The following GRIK2 variants were observed in gnomAD, a reference collection of about 807,000 sequenced individuals.
GRIK2 encodes the protein glutamate receptor ionotropic, kainate 2.
Under a neutral mutation model 100.3 loss-of-function variants are expected in GRIK2, and 32 were observed. The ratio of observed to expected loss-of-function variants is 0.32; its 90% confidence interval spans 0.24 to 0.43. The LOEUF is 0.43. GRIK2 is among the 20% of genes least tolerant of loss of function. GRIK2 has a pLI of 1.00. For synonymous variants in GRIK2, 417 were observed against 389.4 expected (o/e 1.07, Z -0.83); for missense variants, 843 against 1,114.9 (o/e 0.76, Z 3.47).
intron 7 of GRIK2, among the ~76,000 whole-genome samples, chr6:101,713,128 A>G (rs1583007291): frequency 6.6e-6 from 1 of 151,900 alleles, no homozygotes; most frequent in Middle Eastern, 3.4e-3. Context: ...CTGTCAGCAA[A>G]CCAATGGGAC....
Position 101,963,599 on chromosome 6 carries a change from G to A in GRIK2, c.2085+34967G>A, listed in dbSNP as rs201321115. On this transcript the variant is annotated intron_variant, in intron 14 of 16. Transcript: ENST00000369134. ...GATCTCCTGACCTCGTGATCCACCC[G>A]CCTCGCCCTCCCAAAGTGCTGGGAT... Among the ~76,000 whole-genome samples, 9 of 137,890 alleles carry A rather than the reference G, an allele frequency of 6.5e-5. No homozygotes were observed. In the East Asian group the frequency reaches 1.3e-3, roughly 20 times the overall value. The allele number at this position is 137,890 out of a possible 152,430, so 90.5% of individuals were successfully genotyped here.
chr6:101,828,790 A>G (rs1331164976), intron 10 of GRIK2, among the ~76,000 whole-genome samples: 1 of 151,904 alleles, frequency 6.6e-6, no homozygotes, highest in Non-Finnish European at 1.5e-5. Context: ...ATCAACCCAA[A>G]AAGCTGTGGA....
At chr6:101,571,449 A>G (rs576917079) in intron 2 of GRIK2, among the ~76,000 whole-genome samples, 1 of 152,146 alleles carries the variant, frequency 6.6e-6, no homozygotes, top group South Asian at 2.1e-4. Flanking sequence ...TTTTGCAAAA[A>G]TTTTGCCATG....
At chr6:101,874,521 C>T (rs1785670927) in intron 11 of GRIK2, among the ~76,000 whole-genome samples, 1 of 152,102 alleles carries the variant, frequency 6.6e-6, no homozygotes, top group Non-Finnish European at 1.5e-5. Context: ...AGTTTGAAGT[C>T]AGGTAGCATG....
At chr6:101,857,038 C>A (rs1351011022) in intron 10 of GRIK2, among the ~76,000 whole-genome samples, 1 of 152,044 alleles carries the variant, frequency 6.6e-6, no homozygotes, top group Non-Finnish European at 1.5e-5. Flanking sequence ...CATTGAATGA[C>A]AGCAATTGTA....
At chr6:101,942,127 T>C (rs1303249238) in intron 14 of GRIK2, among the ~76,000 whole-genome samples, 1 of 152,306 alleles carries the variant, frequency 6.6e-6, no homozygotes, top group East Asian at 1.9e-4. Context: ...ATTATAATTT[T>C]AAAACAAAAG....
chr6:101,517,156 T>A (rs531170320), intron 2 of GRIK2, among the ~76,000 whole-genome samples: 57 of 152,212 alleles, frequency 3.7e-4, no homozygotes, highest in Non-Finnish European at 6.9e-4. Flanking sequence ...TAATGCTAAA[T>A]GGCAGACTTT....
intron 14 of GRIK2, among the ~76,000 whole-genome samples, chr6:102,028,725 C>A (rs1221736081): frequency 7.4e-6 from 1 of 135,558 alleles, no homozygotes; most frequent in Admixed American, 7.5e-5. Context: ...ATTAAGAAAT[C>A]GTTTTTTTTA....
chr6:101,820,568 C>T (rs1781894661), intron 10 of GRIK2, among the ~76,000 whole-genome samples: 2 of 152,132 alleles, frequency 1.3e-5, no homozygotes, highest in Non-Finnish European at 2.9e-5. Flanking sequence ...GCCTCAGCTT[C>T]CTGAGTAGCT....
intron 11 of GRIK2, among the ~76,000 whole-genome samples, chr6:101,881,331 T>C (rs541260722): frequency 6.6e-6 from 1 of 152,004 alleles, no homozygotes; most frequent in South Asian, 2.1e-4. Context: ...TTCACTTAAA[T>C]TGTGATTTCA....
At chr6:101,471,859 C>T (rs1364501586) in intron 2 of GRIK2, among the ~76,000 whole-genome samples, 1 of 151,710 alleles carries the variant, frequency 6.6e-6, no homozygotes, top group East Asian at 1.9e-4. Context: ...ATTAATAGCT[C>T]AAGTTTAGTT....
intron 4 of GRIK2, among the ~76,000 whole-genome samples, chr6:101,668,246 C>G (rs1180059548): frequency 6.6e-6 from 1 of 152,092 alleles, no homozygotes; most frequent in Admixed American, 6.6e-5. Context: ...CCAATTATCT[C>G]TGTTTTCAAT....
At chr6:101,443,965 G>T (rs1486273407) in intron 2 of GRIK2, among the ~76,000 whole-genome samples, 1 of 151,500 alleles carries the variant, frequency 6.6e-6, no homozygotes, top group Non-Finnish European at 1.5e-5. Flanking sequence ...ACTCACTGTA[G>T]CCTCTACCTC....
chr6:101,830,389 G>A (rs1409176420), intron 10 of GRIK2, among the ~76,000 whole-genome samples: 1 of 151,832 alleles, frequency 6.6e-6, no homozygotes, highest in East Asian at 1.9e-4. Context: ...GTCCTCAAAA[G>A]CAACTGCAGC....
intron 2 of GRIK2, among the ~76,000 whole-genome samples, chr6:101,457,722 G>A (rs947653966): frequency 6.6e-6 from 1 of 151,790 alleles, no homozygotes; most frequent in Non-Finnish European, 1.5e-5. Context: ...TACAGTTTTG[G>A]TGCTTCACAG....
intron 14 of GRIK2, among the ~76,000 whole-genome samples, chr6:101,975,727 G>T (rs1348377760): frequency 6.6e-6 from 1 of 151,828 alleles, no homozygotes; most frequent in Non-Finnish European, 1.5e-5. Flanking sequence ...GGTGGAGTCA[G>T]GTAGTTTTTA....
intron 2 of GRIK2, among the ~76,000 whole-genome samples, chr6:101,499,817 G>T (rs1773655092): frequency 6.6e-6 from 1 of 152,114 alleles, no homozygotes; most frequent in African/African-American, 2.4e-5. Flanking sequence ...TGGGGACCAT[G>T]CTGGAAAGCT....
At chr6:102,066,758 G>A (rs1343336035) in intron 16 of GRIK2, among the ~76,000 whole-genome samples, 1 of 151,646 alleles carries the variant, frequency 6.6e-6, no homozygotes, top group Non-Finnish European at 1.5e-5. Context: ...ATTTGAGTTT[G>A]ACTTGTTTCC....
intron 2 of GRIK2, among the ~76,000 whole-genome samples, chr6:101,570,988 A>T (rs1380786934): frequency 6.6e-6 from 1 of 152,106 alleles, no homozygotes; most frequent in African/African-American, 2.4e-5. Flanking sequence ...AGCATTATTT[A>T]ATTTAATTGA....
Sources: gnomAD v4.1 joint callset for allele counts (sites outside exome capture counted in the v4.1 genomes callset) on GRCh38, gnomAD v4.1.1 for gene constraint, MANE v1.5 for transcripts, NCBI Gene and HGNC (gene_info 2026-07-23, HGNC 2026-07-21) for gene names.